Variants in LRRC18 observed in about 807,000 individuals in gnomAD.
LRRC18 encodes the protein leucine-rich repeat-containing protein 18.
Under a neutral mutation model 11.2 loss-of-function variants are expected in LRRC18, and 12 were observed. The observed-to-expected ratio is 1.07, with a 90% confidence interval of 0.69 to 1.74. LRRC18 has a LOEUF of 1.74. Among genes scored for constraint, LRRC18 ranks in the 40% most tolerant of loss-of-function variants. The probability of loss-of-function intolerance (pLI) is 0.00; values close to 1 mark genes in which losing one functional copy is unlikely to be tolerated. For missense variants in LRRC18, 374 were observed against 330.5 expected, an observed-to-expected ratio of 1.13 and a Z score of -1.02; for synonymous variants, 155 against 130.6, an observed-to-expected ratio of 1.19 and a Z score of -1.27.
the LRRC18 span, among the ~76,000 whole-genome samples, chr10:48,931,463 C>T: frequency 3.3e-5 from 5 of 152,174 alleles, no homozygotes; most frequent in Admixed American, 6.5e-5. Flanking sequence ...CACAGAGGGC[C>T]GTGCTATAAA....
At chr10:48,924,435 A>G in the LRRC18 span, among the ~76,000 whole-genome samples, 1 of 152,270 alleles carries the variant, frequency 6.6e-6, no homozygotes, top group Non-Finnish European at 1.5e-5. Flanking sequence ...ATCAACCCAC[A>G]CAAGGGAAGC....
the LRRC18 span, among the ~76,000 whole-genome samples, chr10:48,921,928 A>T: frequency 6.6e-6 from 1 of 152,216 alleles, no homozygotes; most frequent in Non-Finnish European, 1.5e-5. Flanking sequence ...AAAATTAACC[A>T]TATAGTTATT....
upstream of LRRC18, among the ~76,000 whole-genome samples, chr10:48,915,146 G>A (rs1185577214): frequency 6.6e-6 from 1 of 152,288 alleles, no homozygotes; most frequent in Non-Finnish European, 1.5e-5. Flanking sequence ...CCCTTACAGA[G>A]CTATGAGGGG....
At chr10:48,936,557 G>T in the LRRC18 span, among the ~76,000 whole-genome samples, 21 of 152,176 alleles carry the variant, frequency 1.4e-4, no homozygotes, top group African/African-American at 4.8e-4. Flanking sequence ...AAGCACTCAG[G>T]CCAGGTGTGG....
chr10:48,937,364 G>C, the LRRC18 span, among the ~76,000 whole-genome samples: 1,598 of 152,268 alleles, frequency 0.01, 26 homozygotes, highest in African/African-American at 0.036. Context: ...ATTTTTGTTT[G>C]TTTGCATTTG....
chr10:48,938,716 G>A, the LRRC18 span, among the ~76,000 whole-genome samples: 5 of 151,866 alleles, frequency 3.3e-5, no homozygotes, highest in South Asian at 2.1e-4. Context: ...AAGCTCGTCT[G>A]GGGGGGTAAA....
chr10:48,937,691 G>A, the LRRC18 span, among the ~76,000 whole-genome samples: 1 of 152,296 alleles, frequency 6.6e-6, no homozygotes, highest in Non-Finnish European at 1.5e-5. Context: ...TCCACGTTAG[G>A]GAAATGAAAA....
At chr10:48,928,235 G>A in the LRRC18 span, among the ~76,000 whole-genome samples, 4 of 152,122 alleles carry the variant, frequency 2.6e-5, no homozygotes, top group African/African-American at 9.7e-5. Flanking sequence ...CCATGACCCT[G>A]GATGGTCTCC....
intron 1 of LRRC18, among the ~76,000 whole-genome samples, chr10:48,911,886 A>T (rs1838038463): frequency 1.3e-5 from 2 of 152,250 alleles, no homozygotes; most frequent in East Asian, 3.8e-4. Context: ...GTCATAGCTA[A>T]GCATTACAAG....
the LRRC18 span, among the ~76,000 whole-genome samples, chr10:48,927,831 G>A: frequency 1.3e-5 from 2 of 152,138 alleles, no homozygotes; most frequent in Admixed American, 1.3e-4. Flanking sequence ...TGTAATTCTG[G>A]ATGTACTCTG....
In LRRC18 at chr10:48,910,262, G is replaced by T. The variant is rs758681262; in HGVS notation, c.765-4C>A. 5 of 1,613,416 alleles carry T rather than the reference G, an allele frequency of 3.1e-6. No homozygotes were observed. The East Asian group carries it at 8.9e-5, about 29-fold the overall frequency. ...CTAGGAAGATGTCAAGCGTATTCTG[G>T]GGATGGAGACACAAGAAGGTGAGGC... On this transcript the variant is annotated splice_region_variant and splice_polypyrimidine_tract_variant and intron_variant, in intron 1 of 1. Coordinates refer to ENST00000374160, the Ensembl canonical transcript of LRRC18.
At chr10:48,909,909 T>A in exon 2 of LRRC18, 1 of 303,926 alleles carries the variant, frequency 3.3e-6, no homozygotes, top group South Asian at 5.3e-5. Context: ...CTGAGTGAAA[T>A]GTAGAGGCAG....
chr10:48,927,646 G>C, the LRRC18 span, among the ~76,000 whole-genome samples: 2 of 152,118 alleles, frequency 1.3e-5, no homozygotes, highest in Non-Finnish European at 2.9e-5. Context: ...TCTATCCTTC[G>C]CACCAGCGTG....
At chr10:48,923,665 C>T in the LRRC18 span, among the ~76,000 whole-genome samples, 3 of 151,770 alleles carry the variant, frequency 2.0e-5, no homozygotes, top group Non-Finnish European at 4.4e-5. Context: ...TATTGAGTGC[C>T]TACCATTTAT....
At chr10:48,930,688 T>TA in the LRRC18 span, among the ~76,000 whole-genome samples, 6 of 151,324 alleles carry the variant, frequency 4.0e-5, no homozygotes, top group South Asian at 2.1e-4. Flanking sequence ...TTTAAAATAG[T>TA]AAAAAAAAAT....
chr10:48,926,024 G>A, the LRRC18 span, among the ~76,000 whole-genome samples: 2 of 152,210 alleles, frequency 1.3e-5, no homozygotes, highest in African/African-American at 2.4e-5. Context: ...AAACCTCAAT[G>A]TGTCTGATAC....
At chr10:48,929,894 G>A in the LRRC18 span, among the ~76,000 whole-genome samples, 1 of 151,928 alleles carries the variant, frequency 6.6e-6, no homozygotes, top group East Asian at 1.9e-4. Flanking sequence ...TAATAAAGCA[G>A]ACTGACCTTC....
chr10:48,913,423 A>G, exon 1 of LRRC18: 1 of 1,611,772 alleles, frequency 6.2e-7, no homozygotes, highest in African/African-American at 1.3e-5. Flanking sequence ...TTGGCCATGG[A>G]ATTGGGTGAG....
rs77969691 is a variant in LRRC18, at chr10:48,913,466, C to T, written c.690G>A (p.Thr230=). 2.3e-4 allele frequency: 357 copies of T among 1,552,770 alleles called. 1 individual carries two copies. The African/African-American group carries it at 4.1e-3, about 18-fold the overall frequency. The change falls in exon 1 of 2, where the codon ACG becomes ACA. Residue 230 remains threonine, a synonymous_variant. Coordinates refer to ENST00000374160, the Ensembl canonical transcript of LRRC18. ...TGGGAAAGATGGTCTTTCTCGGTGT[C>T]GTCGTGGCCATGTTCTTGATTCTAT...
Sources: allele counts gnomAD v4.1 joint callset (sites outside exome capture counted in the v4.1 genomes callset), GRCh38; gene constraint gnomAD v4.1.1; transcripts MANE v1.5; gene names NCBI Gene and HGNC (gene_info 2026-07-23, HGNC 2026-07-21).